ADAMTS6: variants seen among roughly 807,000 people sequenced by gnomAD.
ADAMTS6 encodes the protein ADAM metallopeptidase with thrombospondin type 1 motif 6.
A neutral mutation model predicts 144.3 loss-of-function variants in ADAMTS6; 23 were observed. The observed-to-expected ratio is 0.16, with a 90% CI of 0.11 to 0.23. The LOEUF (loss-of-function observed/expected upper bound fraction) is 0.23, where lower values mean the gene tolerates loss of function less well. Ranked by LOEUF, ADAMTS6 falls within the 10% of genes least tolerant of loss-of-function variation. The pLI, the probability that ADAMTS6 is intolerant of heterozygous loss-of-function variation, is 1.00. For synonymous variants in ADAMTS6, 444 were observed against 457.5 expected (o/e 0.97, Z 0.38); for missense variants, 999 against 1,379.6 (o/e 0.72, Z 4.37).
At chr5:65,174,373 C>T (rs1436376732) in intron 22 of ADAMTS6, among the ~76,000 whole-genome samples, 1 of 152,196 alleles carries the variant, frequency 6.6e-6, no homozygotes, top group Non-Finnish European at 1.5e-5. Flanking sequence ...TTAGGCCTGC[C>T]CTGTGGAGCA....
intron 11 of ADAMTS6, among the ~76,000 whole-genome samples, chr5:65,290,211 A>G (rs1742156776): frequency 6.6e-6 from 1 of 152,182 alleles, no homozygotes; most frequent in Admixed American, 6.6e-5. Context: ...CTTAACCCTT[A>G]ATTATTATTA....
intron 7 of ADAMTS6, among the ~76,000 whole-genome samples, chr5:65,402,503 C>A (rs975324133): frequency 1.3e-5 from 2 of 152,106 alleles, no homozygotes; most frequent in Admixed American, 6.6e-5. Flanking sequence ...CTCCTCAAAT[C>A]TATAACATCA....
At position 65,373,877 on chromosome 5, in the gene ADAMTS6, G is replaced by A. The variant is rs533362026; in HGVS notation, c.1074-39792C>T. Reference sequence around the variant, plus strand: ...ATCCTCAATAAAATACTGGCAAACCGAATCCAGCAGCACATCAAAAAGCTT... The same window carrying A: ...ATCCTCAATAAAATACTGGCAAACCAAATCCAGCAGCACATCAAAAAGCTT... On this transcript the variant is annotated intron_variant, in intron 7 of 24. Coordinates refer to ENST00000381055, the MANE Select transcript of ADAMTS6 (RefSeq NM_197941.4). Among the ~76,000 whole-genome samples, 18 of 152,114 alleles carry A rather than the reference G, an allele frequency of 1.2e-4. No homozygotes were observed. The South Asian group carries it at 1.2e-3, about 11-fold the overall frequency.
intron 9 of ADAMTS6, among the ~76,000 whole-genome samples, chr5:65,316,281 T>C (rs1256834066): frequency 6.6e-6 from 1 of 152,186 alleles, no homozygotes; most frequent in African/African-American, 2.4e-5. Flanking sequence ...TCAGTAAGGA[T>C]ATATAGTTAG....
chr5:65,388,722 T>A (rs1752670099), intron 7 of ADAMTS6, among the ~76,000 whole-genome samples: 1 of 152,174 alleles, frequency 6.6e-6, no homozygotes, highest in Admixed American at 6.5e-5. Flanking sequence ...AAAACAAACA[T>A]AATGTGAACA....
chr5:65,371,225 C>T (rs968631672), intron 7 of ADAMTS6, among the ~76,000 whole-genome samples: 1 of 152,216 alleles, frequency 6.6e-6, no homozygotes, highest in Non-Finnish European at 1.5e-5. Flanking sequence ...TCTCCTCCTC[C>T]AAAGGAATGC....
At chr5:65,451,078 T>G (rs886708142) in intron 7 of ADAMTS6, among the ~76,000 whole-genome samples, 1 of 152,144 alleles carries the variant, frequency 6.6e-6, no homozygotes, top group African/African-American at 2.4e-5. Flanking sequence ...AACTGAAAGG[T>G]AAAAATAGTT....
intron 7 of ADAMTS6, among the ~76,000 whole-genome samples, chr5:65,404,989 GTTGT>G (rs1160575840): frequency 1.3e-5 from 2 of 152,126 alleles, no homozygotes; most frequent in Admixed American, 6.5e-5. Flanking sequence ...TTTTGATGGG[GTTGT>G]TTGTTTTCTT....
chr5:65,310,036 C>T (rs1744335233), intron 9 of ADAMTS6, among the ~76,000 whole-genome samples: 1 of 151,992 alleles, frequency 6.6e-6, no homozygotes. Context: ...TTTGGTACCA[C>T]CCCCACTTGG....
rs810869 is a variant in ADAMTS6, at chr5:65,334,026, A to C, written c.1117+16T>G. 9.1e-4 allele frequency: 1,191 copies of C among 1,301,758 alleles called. No homozygotes were observed. Among genetic ancestry groups the C allele is most frequent in the South Asian group, 1.1e-3 (53 of 48,578 alleles). 80.6% of individuals were successfully genotyped at this position (1,301,758 alleles called of 1,614,324 possible). A position where few individuals can be genotyped will look rare whatever the true frequency, so the allele number is the denominator to read the frequency against. ...AAAAAAAAAAAAAAAAAAAAAAAAAACCAAAAAAAACTTACCCAGTGTTCC... is the reference window on the plus strand; with the variant it reads ...AAAAAAAAAAAAAAAAAAAAAAAAACCCAAAAAAAACTTACCCAGTGTTCC... On this transcript the variant is annotated intron_variant, in intron 8 of 24. Transcript: ENST00000381055.
chr5:65,446,192 C>T (rs1758259280), intron 7 of ADAMTS6, among the ~76,000 whole-genome samples: 1 of 152,170 alleles, frequency 6.6e-6, no homozygotes, highest in African/African-American at 2.4e-5. Context: ...TCACATTTAA[C>T]TTCCCTTTTC....
chr5:65,336,917 TCTACCATGATAC>T (rs1747355836), intron 7 of ADAMTS6, among the ~76,000 whole-genome samples: 2 of 152,116 alleles, frequency 1.3e-5, no homozygotes, highest in South Asian at 4.1e-4. Context: ...TGTGGCTATA[TCTACCATGATAC>T]CTACTTCTAA....
intron 7 of ADAMTS6, among the ~76,000 whole-genome samples, chr5:65,345,606 A>T (rs1327194369): frequency 6.6e-6 from 1 of 151,778 alleles, no homozygotes. Context: ...AAATTTAGAA[A>T]CTTTTCTATA....
chr5:65,229,694 A>C (rs11747988), intron 15 of ADAMTS6, among the ~76,000 whole-genome samples: 44,629 of 151,992 alleles, frequency 0.29, 6,822 homozygotes, highest in Admixed American at 0.38. Flanking sequence ...ATCCAGCAGA[A>C]GAAAGAATTT....
chr5:65,302,338 A>G (rs1177144407), intron 9 of ADAMTS6, among the ~76,000 whole-genome samples: 1 of 145,592 alleles, frequency 6.9e-6, no homozygotes, highest in Non-Finnish European at 1.5e-5. Context: ...TATATTATAT[A>G]CATATAATAT....
intron 18 of ADAMTS6, among the ~76,000 whole-genome samples, chr5:65,223,990 T>C (rs1314896842): frequency 6.6e-6 from 1 of 152,032 alleles, no homozygotes; most frequent in East Asian, 1.9e-4. Flanking sequence ...TTATTAGAGA[T>C]GGGGTTTCAC....
rs532059389 is a variant in ADAMTS6, at chr5:65,310,634, C to G, written c.1224-10503G>C. The stretch of plus-strand genomic sequence containing the variant: ...CCTATTTTGCACACTAAATCATTGT[C>G]TGTGAAATGAAGAATAGTATATGAC... On this transcript the variant is annotated intron_variant, in intron 9 of 24. Transcript: ENST00000381055. 6.6e-5 allele frequency among the ~76,000 whole-genome samples: 10 copies of G among 152,206 alleles called. No homozygotes were observed. In the South Asian group the frequency reaches 1.9e-3, roughly 28 times the overall value.
In ADAMTS6 at chr5:65,215,490, A is replaced by G; in HGVS notation, c.2273-3T>C. On this transcript the variant is annotated splice_region_variant and splice_polypyrimidine_tract_variant and intron_variant, in intron 18 of 24. Transcript: ENST00000381055. ...ATCATCTCCTTCAGATTTTAAAGCT[A>G]GAAAACAAATCACAATTCACCTAAA... The G allele has an allele frequency of 6.3e-7, 1 of 1,598,166 alleles. No individual in the cohort carries two copies. The highest frequency in any genetic ancestry group is 8.5e-7 in the Non-Finnish European group (1 of 1,174,876).
At chr5:65,320,840 G>A (rs925930865) in intron 9 of ADAMTS6, among the ~76,000 whole-genome samples, 20 of 152,072 alleles carry the variant, frequency 1.3e-4, no homozygotes, top group Admixed American at 5.2e-4. Context: ...TGAGAATAAT[G>A]GCCTCCAGGT....
Sources: gnomAD v4.1 joint callset for allele counts (sites outside exome capture counted in the v4.1 genomes callset) on GRCh38, gnomAD v4.1.1 for gene constraint, MANE v1.5 for transcripts, NCBI Gene and HGNC (gene_info 2026-07-23, HGNC 2026-07-21) for gene names.